The following C6 variants were observed in gnomAD, a reference collection of about 807,000 sequenced individuals.
The protein encoded by C6 is complement C6.
Under a neutral mutation model 112.9 loss-of-function variants are expected in C6, and 101 were observed. That is an observed-to-expected ratio of 0.89 (90% CI 0.76 to 1.06). The LOEUF (loss-of-function observed/expected upper bound fraction) is 1.06, where lower values mean the gene tolerates loss of function less well. C6 is among the 50% of genes least tolerant of loss of function. The pLI is 0.00. For synonymous variants in C6, 431 were observed against 384.1 expected (o/e 1.12, Z -1.43); for missense variants, 1,202 against 1,104.6 (o/e 1.09, Z -1.25).
chr5:41,255,713 T>C (rs1454231846), intron 1 of C6, among the ~76,000 whole-genome samples: 2 of 152,212 alleles, frequency 1.3e-5, no homozygotes, highest in African/African-American at 4.8e-5. Context: ...GTGCTATAGG[T>C]CTGTCAAAAG....
intron 1 of C6, among the ~76,000 whole-genome samples, chr5:41,218,687 G>T (rs1434409388): frequency 6.6e-6 from 1 of 152,112 alleles, no homozygotes; most frequent in African/African-American, 2.4e-5. Flanking sequence ...GCCAGGATTG[G>T]GTATGGGTCA....
chr5:41,193,827 T>A (rs975125342), intron 5 of C6, among the ~76,000 whole-genome samples: 2 of 147,942 alleles, frequency 1.4e-5, no homozygotes, highest in South Asian at 4.3e-4. Flanking sequence ...GTTAGAAATA[T>A]GTTGGATAGC....
At chr5:41,245,020 T>C (rs1269775657) in intron 1 of C6, among the ~76,000 whole-genome samples, 1 of 152,210 alleles carries the variant, frequency 6.6e-6, no homozygotes, top group Non-Finnish European at 1.5e-5. Flanking sequence ...ATGGTTTATT[T>C]TCCTTTTTGT....
In C6 at chr5:41,183,189, T is replaced by C. The variant is rs376146190; in HGVS notation, c.727-1630A>G. On this transcript the variant is annotated intron_variant, in intron 6 of 17. Coordinates refer to ENST00000337836, the MANE Select transcript of C6 (RefSeq NM_000065.5). Reference sequence around the variant, plus strand: ...AGATGCACAGTGGCAAATTACAAAGTATTTTCATAATACAGATCCAATAGA... The same window carrying C: ...AGATGCACAGTGGCAAATTACAAAGCATTTTCATAATACAGATCCAATAGA... Among the ~76,000 whole-genome samples the C allele has an allele frequency of 7.2e-5, 11 of 152,340 alleles. No individual in the cohort carries two copies. The East Asian group carries it at 2.1e-3, about 29-fold the overall frequency.
At chr5:41,154,098 A>G (rs1173486713) in intron 14 of C6, 100 bp from the exon 15 acceptor site, 2 of 969,044 alleles carry the variant, frequency 2.1e-6, no homozygotes, top group East Asian at 2.6e-5. Flanking sequence ...GATGAGATTT[A>G]CTGCATCTGT....
intron 1 of C6, among the ~76,000 whole-genome samples, chr5:41,205,354 G>C (rs1479524632): frequency 6.6e-6 from 1 of 152,212 alleles, no homozygotes; most frequent in Non-Finnish European, 1.5e-5. Flanking sequence ...GAGGTACTGG[G>C]TTCATCTCAC....
At chr5:41,191,560 A>C (rs1750216932) in intron 5 of C6, among the ~76,000 whole-genome samples, 1 of 152,006 alleles carries the variant, frequency 6.6e-6, no homozygotes, top group African/African-American at 2.4e-5. Flanking sequence ...ATGCCTTCCC[A>C]TTTCTTTTGT....
At chr5:41,229,000 A>G (rs2150411228) in intron 1 of C6, among the ~76,000 whole-genome samples, 1 of 152,186 alleles carries the variant, frequency 6.6e-6, no homozygotes, top group East Asian at 1.9e-4. Flanking sequence ...ATTCCTAGCT[A>G]TTTATTTGGG....
chr5:41,204,084 T>C (rs1383579087), intron 1 of C6, among the ~76,000 whole-genome samples: 2 of 152,236 alleles, frequency 1.3e-5, no homozygotes, highest in Non-Finnish European at 2.9e-5. Context: ...ATTGCCAGTT[T>C]AATCGTTATA....
intron 1 of C6, among the ~76,000 whole-genome samples, chr5:41,228,796 C>T (rs1739692026): frequency 6.6e-6 from 1 of 152,092 alleles, no homozygotes; most frequent in Admixed American, 6.5e-5. Flanking sequence ...CCTTGCATCC[C>T]ATGGATAATT....
At chr5:41,147,394 C>T (rs1306525538) in intron 17 of C6, among the ~76,000 whole-genome samples, 1 of 152,182 alleles carries the variant, frequency 6.6e-6, no homozygotes. Context: ...ACCCCAGATA[C>T]TGGCATCCTG....
At chr5:41,177,653 C>A (rs1045734597) in intron 7 of C6, among the ~76,000 whole-genome samples, 2 of 152,056 alleles carry the variant, frequency 1.3e-5, no homozygotes, top group Admixed American at 6.6e-5. Flanking sequence ...AAGATGACTG[C>A]TGACACAAAA....
intron 7 of C6, 21 bp from the exon 8 acceptor site, chr5:41,176,736 A>C (rs370190859): frequency 1.1e-5 from 18 of 1,602,164 alleles, no homozygotes; most frequent in African/African-American, 5.4e-5. Context: ...GAAAGAAGTA[A>C]AAAGATGATT....
chr5:41,248,075 G>A (rs535585097), intron 1 of C6, among the ~76,000 whole-genome samples: 1 of 151,502 alleles, frequency 6.6e-6, no homozygotes, highest in African/African-American at 2.4e-5. Context: ...AATGAGGGAA[G>A]GACTCCCTAT....
At chr5:41,193,438 G>A (rs1442027379) in intron 5 of C6, among the ~76,000 whole-genome samples, 1 of 152,120 alleles carries the variant, frequency 6.6e-6, no homozygotes, top group Non-Finnish European at 1.5e-5. Flanking sequence ...TTTCTAAAGT[G>A]CTTTGATCTA....
Position 41,159,146 on chromosome 5 carries a change from C to T in C6, c.1792G>A (p.Gly598Arg). ...CGCTTCTCCCCCTCACAGCGTTTCC[C>T]TCCTCGTTGGGGGGCAGGATTATTG... ...ECNNPAPQRGGKRCEGEKRQE... is the reference protein window; with the variant it reads ...ECNNPAPQRGRKRCEGEKRQE... The change falls in exon 12 of 18, where the codon GGG becomes AGG. Residue 598 changes from glycine to arginine, a missense_variant. Transcript: ENST00000337836. The T allele has an allele frequency of 6.2e-7, 1 of 1,613,712 alleles. No homozygotes were observed. Among genetic ancestry groups the T allele is most frequent in the Non-Finnish European group, 8.5e-7 (1 of 1,179,780 alleles).
At chr5:41,247,287 A>C (rs1580254198) in intron 1 of C6, among the ~76,000 whole-genome samples, 1 of 152,146 alleles carries the variant, frequency 6.6e-6, no homozygotes, top group South Asian at 2.1e-4. Context: ...ATATCTAGAA[A>C]ACCCTAATGC....
intron 9 of C6, among the ~76,000 whole-genome samples, chr5:41,163,146 C>T (rs1019604290): frequency 1.4e-5 from 2 of 145,438 alleles, no homozygotes; most frequent in African/African-American, 5.2e-5. Flanking sequence ...AAGATAATGC[C>T]AATAATGCAA....
intron 1 of C6, among the ~76,000 whole-genome samples, chr5:41,208,636 T>G (rs1751632918): frequency 6.6e-6 from 1 of 152,130 alleles, no homozygotes; most frequent in Non-Finnish European, 1.5e-5. Context: ...ATGGATAAAT[T>G]CCTGAACACA....
Sources: allele counts gnomAD v4.1 joint callset (sites outside exome capture counted in the v4.1 genomes callset), GRCh38; gene constraint gnomAD v4.1.1; transcripts MANE v1.5; gene names NCBI Gene and HGNC (gene_info 2026-07-23, HGNC 2026-07-21).